Variants in MEGF9 observed in about 807,000 individuals in gnomAD.
MEGF9 encodes the protein multiple epidermal growth factor-like domains protein 9.
MEGF9 carries 6 observed loss-of-function variants against 46.8 expected under a neutral mutation model. The ratio of observed to expected loss-of-function variants is 0.13; its 90% CI spans 0.07 to 0.25. The LOEUF (loss-of-function observed/expected upper bound fraction) is 0.25, where lower values mean the gene tolerates loss of function less well. MEGF9 is among the 10% of genes least tolerant of loss of function. The pLI is 1.00. For synonymous variants in MEGF9, 302 were observed against 330.7 expected, an observed-to-expected ratio of 0.91 and a Z score of 0.94; for missense variants, 683 against 792.4, an observed-to-expected ratio of 0.86 and a Z score of 1.66.
intron 2 of MEGF9, among the ~76,000 whole-genome samples, chr9:120,658,727 A>T (rs1161647065): frequency 6.6e-6 from 1 of 152,214 alleles, no homozygotes; most frequent in Non-Finnish European, 1.5e-5. Flanking sequence ...ACATAAGGTC[A>T]AAGAATAATT....
At chr9:120,650,353 T>G (rs1255840066) in intron 2 of MEGF9, among the ~76,000 whole-genome samples, 1 of 152,258 alleles carries the variant, frequency 6.6e-6, no homozygotes, top group Non-Finnish European at 1.5e-5. Context: ...CTCTATTCAT[T>G]TATTAAGCAC....
chr9:120,639,979 T>C (rs965070057), intron 2 of MEGF9, among the ~76,000 whole-genome samples: 1 of 152,226 alleles, frequency 6.6e-6, no homozygotes, highest in Non-Finnish European at 1.5e-5. Flanking sequence ...ATATATCAAA[T>C]GTCTTTATAC....
intron 1 of MEGF9, chr9:120,689,824 A>G (rs1442059871): frequency 2.4e-6 from 1 of 420,732 alleles, no homozygotes. Flanking sequence ...ATAACCACCT[A>G]AAGTCATTAT....
intron 1 of MEGF9, among the ~76,000 whole-genome samples, chr9:120,700,255 G>A (rs576708767): frequency 6.6e-6 from 1 of 152,272 alleles, no homozygotes; most frequent in African/African-American, 2.4e-5. Flanking sequence ...TTCTGACTTC[G>A]ATTCTACTGA....
chr9:120,625,833 CAAAA>C (rs763605820), intron 2 of MEGF9, among the ~76,000 whole-genome samples: 3 of 113,146 alleles, frequency 2.7e-5, no homozygotes, highest in East Asian at 2.7e-4. Context: ...CTCTGTCTCA[CAAAA>C]AAAAAAAAAA....
chr9:120,623,736 A>C (rs1363149987), intron 2 of MEGF9, among the ~76,000 whole-genome samples: 1 of 152,190 alleles, frequency 6.6e-6, no homozygotes, highest in African/African-American at 2.4e-5. Context: ...TAAAAAATAA[A>C]ATTCAGGAAT....
At position 120,612,686 on chromosome 9, in the gene MEGF9, C is replaced by G. The variant is rs554573751; in HGVS notation, c.944-147G>C. 7 of 671,128 alleles carry G rather than the reference C, an allele frequency of 1.0e-5. No homozygotes were observed. The East Asian group carries it at 1.7e-4, about 16-fold the overall frequency. 41.6% of individuals were successfully genotyped at this position (671,128 alleles called of 1,614,324 possible). On this transcript the variant is annotated intron_variant, in intron 3 of 5. Coordinates refer to ENST00000373930, the MANE Select transcript of MEGF9 (RefSeq NM_001080497.3). ...AGTTAATTTCTACCCCACCTGATTTCTATACTGCCATGTCTATGAATTGTG... is the reference window on the plus strand; with the variant it reads ...AGTTAATTTCTACCCCACCTGATTTGTATACTGCCATGTCTATGAATTGTG...
intron 2 of MEGF9, among the ~76,000 whole-genome samples, chr9:120,652,230 A>G (rs2043655688): frequency 7.3e-6 from 1 of 136,620 alleles, no homozygotes; most frequent in African/African-American, 2.7e-5. Flanking sequence ...TCCTGCCTGC[A>G]ATCCCAGAAC....
At chr9:120,698,819 A>G (rs2043890342) in intron 1 of MEGF9, among the ~76,000 whole-genome samples, 2 of 152,208 alleles carry the variant, frequency 1.3e-5, no homozygotes, top group Non-Finnish European at 2.9e-5. Flanking sequence ...TTCAAAATTC[A>G]GAGAAGAGTA....
chr9:120,652,207 C>A (rs2043655487), intron 2 of MEGF9, among the ~76,000 whole-genome samples: 2 of 63,766 alleles, frequency 3.1e-5, no homozygotes, highest in African/African-American at 5.7e-5. Flanking sequence ...AAAAACAGGT[C>A]AGGCATGGTG....
In MEGF9 at chr9:120,622,558, T is replaced by A. The variant is rs796796080; in HGVS notation, c.943+58A>T. ...GAAGAATCAACCTATAGCTGAAAGA[T>A]TTCCAAATTAAAAGAACAGTGGAAT... is the stretch of plus-strand genomic sequence containing the variant. On this transcript the variant is annotated intron_variant, in intron 3 of 5. Coordinates refer to ENST00000373930, the MANE Select transcript of MEGF9 (RefSeq NM_001080497.3). 13 of 1,592,684 alleles carry A rather than the reference T, an allele frequency of 8.2e-6. No homozygotes were observed. The African/African-American group carries it at 1.5e-4, about 18-fold the overall frequency.
At chr9:120,692,985 G>C (rs1039575877) in intron 1 of MEGF9, among the ~76,000 whole-genome samples, 1 of 151,924 alleles carries the variant, frequency 6.6e-6, no homozygotes, top group Non-Finnish European at 1.5e-5. Context: ...CATATCCTTC[G>C]CTATGTTCTC....
chr9:120,630,039 C>T (rs1291545741), intron 2 of MEGF9, among the ~76,000 whole-genome samples: 1 of 152,236 alleles, frequency 6.6e-6, no homozygotes, highest in African/African-American at 2.4e-5. Flanking sequence ...CTTGACCATC[C>T]GCCCATTGCT....
chr9:120,619,056 A>G (rs2043486211), intron 3 of MEGF9, among the ~76,000 whole-genome samples: 1 of 151,992 alleles, frequency 6.6e-6, no homozygotes, highest in African/African-American at 2.4e-5. Context: ...TCTTTAAAAC[A>G]TTTTATCAGC....
At chr9:120,607,149 G>A (rs1268621858) in intron 5 of MEGF9, among the ~76,000 whole-genome samples, 1 of 152,168 alleles carries the variant, frequency 6.6e-6, no homozygotes, top group South Asian at 2.1e-4. Context: ...CAATCTCTCT[G>A]TGACCTAATA....
chr9:120,650,672 T>C (rs541261080), intron 2 of MEGF9, among the ~76,000 whole-genome samples: 1 of 152,392 alleles, frequency 6.6e-6, no homozygotes, highest in Non-Finnish European at 1.5e-5. Flanking sequence ...ACTTTCAATA[T>C]ATGAGGGAAT....
At chr9:120,651,165 C>A (rs539870097) in intron 2 of MEGF9, among the ~76,000 whole-genome samples, 60 of 152,254 alleles carry the variant, frequency 3.9e-4, no homozygotes, top group Middle Eastern at 3.4e-3. Flanking sequence ...ATTTCTACTA[C>A]GCCAAAACTA....
intron 1 of MEGF9, among the ~76,000 whole-genome samples, chr9:120,691,198 G>GGTA (rs2132338129): frequency 6.6e-6 from 1 of 152,032 alleles, no homozygotes; most frequent in Non-Finnish European, 1.5e-5. Context: ...TTCATTACTT[G>GGTA]TCTCAAAAAA....
At chr9:120,703,318 G>C (rs2043913561) in intron 1 of MEGF9, among the ~76,000 whole-genome samples, 2 of 151,980 alleles carry the variant, frequency 1.3e-5, no homozygotes, top group African/African-American at 4.8e-5. Context: ...AATCTATCTG[G>C]GCTGGACAGC....
Sources: gnomAD v4.1 joint callset for allele counts (sites outside exome capture counted in the v4.1 genomes callset) on GRCh38, gnomAD v4.1.1 for gene constraint, MANE v1.5 for transcripts, NCBI Gene and HGNC (gene_info 2026-07-23, HGNC 2026-07-21) for gene names.